The following FANCC variants were observed in gnomAD, a reference collection of about 807,000 sequenced individuals.
FANCC encodes the protein Fanconi anemia group C protein.
In FANCC, 55 loss-of-function variants were observed where a neutral mutation model predicts 71.3. The observed-to-expected ratio is 0.77, with a 90% CI of 0.62 to 0.97. FANCC has a LOEUF of 0.97. Among genes scored for constraint, FANCC ranks in the 50% least tolerant of loss-of-function variants. FANCC has a pLI of 0.00. For missense variants in FANCC, 678 were observed against 670.9 expected (o/e 1.01, Z -0.12); for synonymous variants, 275 against 244.9 (o/e 1.12, Z -1.15).
chr9:95,252,274 C>CAAAAAAAAAAAAAAAAAAAAAGAAAAAAA (rs71366284), intron 1 of FANCC, among the ~76,000 whole-genome samples: 1 of 50,158 alleles, frequency 2.0e-5, no homozygotes, highest in African/African-American at 7.9e-5. Context: ...GAGACTGATT[C>CAAAAAAAAAAAAAAAAAAAAAGAAAAAAA]AAAAAAAAAA....
chr9:95,309,463 G>T (rs934965158), intron 1 of FANCC, among the ~76,000 whole-genome samples: 1 of 152,140 alleles, frequency 6.6e-6, no homozygotes, highest in Non-Finnish European at 1.5e-5. Flanking sequence ...ATATGTAGGG[G>T]TAGATAGGCT....
At chr9:95,286,916 T>G (rs1240403293) in intron 1 of FANCC, among the ~76,000 whole-genome samples, 1 of 152,188 alleles carries the variant, frequency 6.6e-6, no homozygotes, top group African/African-American at 2.4e-5. Flanking sequence ...ATTCTGTATC[T>G]CATTTATATA....
chr9:95,186,652 G>GA, intron 4 of FANCC: 1 of 152,244 alleles, frequency 6.6e-6, no homozygotes, highest in African/African-American at 2.4e-5. Flanking sequence ...CCACCTATGT[G>GA]AAAACAAACA....
intron 1 of FANCC, among the ~76,000 whole-genome samples, chr9:95,316,674 G>C (rs1451310937): frequency 6.6e-6 from 1 of 152,128 alleles, no homozygotes; most frequent in East Asian, 1.9e-4. Flanking sequence ...AAAACTCCTT[G>C]GTCTCTTCCC....
chr9:95,298,111 T>C (rs993406374), intron 1 of FANCC, among the ~76,000 whole-genome samples: 1 of 151,994 alleles, frequency 6.6e-6, no homozygotes, highest in African/African-American at 2.4e-5. Context: ...TGGAAGACCA[T>C]CTTACAGTAA....
At chr9:95,157,572 C>G (rs1049200995) in intron 6 of FANCC, among the ~76,000 whole-genome samples, 3 of 152,210 alleles carry the variant, frequency 2.0e-5, no homozygotes, top group Non-Finnish European at 4.4e-5. Flanking sequence ...TACCGTCTAG[C>G]CTTCTGCAGT....
At chr9:95,123,795 A>G in intron 10 of FANCC, 1 of 696,762 alleles carries the variant, frequency 1.4e-6, no homozygotes, top group Non-Finnish European at 2.7e-6. Context: ...TGTGAAGCCC[A>G]CAAGGACTGA....
intron 1 of FANCC, among the ~76,000 whole-genome samples, chr9:95,272,858 T>C (rs1415099871): frequency 6.6e-5 from 10 of 152,242 alleles, no homozygotes; most frequent in Non-Finnish European, 8.8e-5. Flanking sequence ...CTTGATTTCT[T>C]CACACTCTTT....
chr9:95,215,524 C>G (rs76410086), intron 4 of FANCC, among the ~76,000 whole-genome samples: 2 of 152,162 alleles, frequency 1.3e-5, no homozygotes, highest in African/African-American at 4.8e-5. Flanking sequence ...ACTCCTCCCC[C>G]CGAAAGGTGG....
At chr9:95,159,136 C>T (rs1420876165) in intron 6 of FANCC, among the ~76,000 whole-genome samples, 2 of 151,964 alleles carry the variant, frequency 1.3e-5, no homozygotes, top group Non-Finnish European at 2.9e-5. Context: ...GCACCCATTA[C>T]CTCATCATTT....
chr9:95,316,665 A>C (rs1033594130), intron 1 of FANCC, among the ~76,000 whole-genome samples: 2 of 152,206 alleles, frequency 1.3e-5, no homozygotes, highest in African/African-American at 4.8e-5. Flanking sequence ...CTTTGCTAGA[A>C]AACTCCTTGG....
At chr9:95,308,489 T>A (rs796470802) in intron 1 of FANCC, among the ~76,000 whole-genome samples, 5 of 152,044 alleles carry the variant, frequency 3.3e-5, no homozygotes, top group African/African-American at 1.2e-4. Context: ...TTTCACCCTG[T>A]TGGCCAGGCT....
chr9:95,258,469 G>C (rs542826902), intron 1 of FANCC, among the ~76,000 whole-genome samples: 51 of 152,108 alleles, frequency 3.4e-4, no homozygotes, highest in Non-Finnish European at 6.6e-4. Flanking sequence ...TGCAGAAAAG[G>C]CCTTCGATAA....
intron 1 of FANCC, among the ~76,000 whole-genome samples, chr9:95,311,233 C>CA (rs10710492): frequency 0.39 from 29,851 of 75,720 alleles, 5,392 homozygotes; most frequent in Non-Finnish European, 0.48. Flanking sequence ...GATTCCGTCT[C>CA]AAAAAAAAAA....
At chr9:95,188,901 A>AT (rs1458275530) in intron 4 of FANCC, among the ~76,000 whole-genome samples, 4 of 152,290 alleles carry the variant, frequency 2.6e-5, no homozygotes, top group African/African-American at 9.6e-5. Flanking sequence ...GTGCCCTATG[A>AT]TTTTTAATTA....
chr9:95,120,958 GC>G (rs1201881699), intron 10 of FANCC, among the ~76,000 whole-genome samples: 2 of 152,036 alleles, frequency 1.3e-5, no homozygotes, highest in African/African-American at 2.4e-5. Context: ...CCCTCTCCTG[GC>G]CCCACACTGC....
intron 10 of FANCC, among the ~76,000 whole-genome samples, chr9:95,122,209 C>T (rs184805638): frequency 3.3e-4 from 50 of 152,092 alleles, no homozygotes; most frequent in Non-Finnish European, 6.5e-4. Flanking sequence ...GGGAGGAGCA[C>T]GTGGATAGAC....
intron 3 of FANCC, among the ~76,000 whole-genome samples, chr9:95,245,771 C>T (rs1830927151): frequency 6.6e-6 from 1 of 151,564 alleles, no homozygotes; most frequent in African/African-American, 2.4e-5. Context: ...GTGGCAGGCA[C>T]CTGTAATCCC....
At chr9:95,186,530 A>T (rs1826722598) in intron 4 of FANCC, 1 of 152,210 alleles carries the variant, frequency 6.6e-6, no homozygotes, top group South Asian at 2.1e-4. Context: ...TGTCTTTGGG[A>T]TAAAGATAGA....
Sources: gnomAD v4.1 joint callset for allele counts (sites outside exome capture counted in the v4.1 genomes callset) on GRCh38, gnomAD v4.1.1 for gene constraint, MANE v1.5 for transcripts, NCBI Gene and HGNC (gene_info 2026-07-23, HGNC 2026-07-21) for gene names.